Variants in FGF17 observed in about 807,000 individuals in gnomAD.
FGF17 encodes the protein fibroblast growth factor 17.
Under a neutral mutation model 23.5 loss-of-function variants are expected in FGF17, and 5 were observed. The observed-to-expected ratio is 0.21, with a 90% CI of 0.11 to 0.45. The LOEUF is 0.45. Among genes scored for constraint, FGF17 ranks in the 20% least tolerant of loss-of-function variants. The pLI, the probability that FGF17 is intolerant of heterozygous loss-of-function variation, is 0.99. For missense variants in FGF17, 221 were observed against 306.9 expected (o/e 0.72, Z 2.09); for synonymous variants, 136 against 123.0 (o/e 1.11, Z -0.70).
intron 2 of FGF17, chr8:22,044,934 G>C (rs1469407429): frequency 9.1e-6 from 9 of 985,578 alleles, no homozygotes; most frequent in Non-Finnish European, 1.1e-5. Flanking sequence ...GATAAAGGTG[G>C]AATTAGGGAT....
At chr8:22,045,581 T>G in intron 2 of FGF17, 3 of 1,002,720 alleles carry the variant, frequency 3.0e-6, no homozygotes, top group Non-Finnish European at 2.4e-6. Context: ...CCCCACATGC[T>G]CTCTGGTGAC....
At chr8:22,046,687 C>T (rs754337894) in intron 4 of FGF17, 54 bp downstream of exon 4, 112 of 1,226,404 alleles carry the variant, frequency 9.1e-5, no homozygotes, top group Non-Finnish European at 1.3e-4. Flanking sequence ...GGGGTGGGGA[C>T]ATATAGGGCA....
intron 2 of FGF17, among the ~76,000 whole-genome samples, chr8:22,044,018 A>G (rs932150212): frequency 3.3e-5 from 5 of 151,026 alleles, no homozygotes; most frequent in Middle Eastern, 3.4e-3. Flanking sequence ...TGGGAGAGGG[A>G]GAGACAATTC....
In FGF17 at chr8:22,043,157, G is replaced by T; in HGVS notation, c.48G>T (p.Leu16=). Residue 16 remains leucine (L), a synonymous_variant, in exon 2 of 5, where the codon CTG becomes CTT. Transcript: ENST00000359441. The stretch of plus-strand genomic sequence containing the variant: ...TCTCCCCACACAGGTGCTTACAGCT[G>T]CTGATTCTCTGCTGTCAAACTCAGG... ...LLPNLTLCLQ[L]LILCCQTQGE... is the part of the protein sequence containing the mutation. The T allele has an allele frequency of 6.2e-7, 1 of 1,613,878 alleles. No homozygotes were observed. The highest frequency in any genetic ancestry group is 8.5e-7 in the Non-Finnish European group (1 of 1,180,018).
In FGF17 at chr8:22,045,073, G is replaced by A. The variant is rs138711880; in HGVS notation, c.73-1041G>A. ...TGCCAGGAGCCAGGAAACCTAGCCC[G>A]GGTCGCACCTTGCAGGATGGAGGGG... On this transcript the variant is annotated intron_variant, in intron 2 of 4. Transcript: ENST00000359441. The A allele has an allele frequency of 4.1e-4, 405 of 985,512 alleles. 2 individuals carry two copies. The East Asian group carries it at 8.9e-3, about 22-fold the overall frequency. 61.0% of individuals were successfully genotyped at this position (985,512 alleles called of 1,614,324 possible).
intron 2 of FGF17, chr8:22,044,950 G>A (rs1255680048): frequency 7.1e-6 from 7 of 985,728 alleles, no homozygotes; most frequent in Non-Finnish European, 8.4e-6. Context: ...GGGATTTGGG[G>A]CAGGGGCTGA....
chr8:22,048,304 T>C lies in FGF17; in HGVS notation c.*55T>C. 2 of 1,421,680 alleles carry C rather than the reference T, an allele frequency of 1.4e-6. No homozygotes were observed. The highest frequency in any genetic ancestry group is 1.9e-6 in the Non-Finnish European group (2 of 1,048,866). The allele number at this position is 1,421,680 out of a possible 1,614,324, so 88.1% of individuals were successfully genotyped here. A position where few individuals can be genotyped will look rare whatever the true frequency, so the allele number is the denominator to read the frequency against. On this transcript the variant is annotated 3_prime_UTR_variant, in exon 5 of 5. Transcript: ENST00000359441. The surrounding 1 kb of genome is among the most constrained non-coding windows in gnomAD (Gnocchi z 6.9). ...GCCGCCTCCCCACCCCTTTCCCTTC[T>C]TAATCCAAGGACTGGGCTGGGGTGG...
Position 22,048,198 on chromosome 8 carries a change from C to T in FGF17, c.600C>T (p.Ser200=). 3.1e-6 allele frequency: 5 copies of T among 1,611,386 alleles called. No individual in the cohort carries two copies. Among genetic ancestry groups the T allele is most frequent in the Non-Finnish European group, 4.2e-6 (5 of 1,179,320 alleles). The part of the protein sequence containing the change: ...EKQKQFEFVG[S]APTRRTKRTR... The stretch of plus-strand genomic sequence containing the variant: ...AGAAGCAGTTCGAGTTTGTGGGCTC[C>T]GCCCCCACCCGCCGGACCAAGCGCA... The change falls in exon 5 of 5, where the codon TCC becomes TCT. Residue 200 remains serine (S), a synonymous_variant. Transcript: ENST00000359441. The surrounding 1 kb of genome is among the most constrained non-coding windows in gnomAD (Gnocchi z 6.9).
At chr8:22,045,914 G>T (rs987387450) in intron 2 of FGF17, 200 bp from the exon 3 acceptor site, 2 of 1,482,522 alleles carry the variant, frequency 1.3e-6, no homozygotes, top group African/African-American at 2.8e-5. Flanking sequence ...AGTCCCTTCT[G>T]TAAGGTAGAC....
rs746663363 is a variant in FGF17, at chr8:22,046,479, G to C, written c.251-48G>C. ...GGGTGGTCCCCTGCTGTAGCCATAG[G>C]CCGGCAGCCCCGATGGACGGAGGTC... On this transcript the variant is annotated intron_variant, in intron 3 of 4. Coordinates refer to ENST00000359441, the MANE Select transcript of FGF17 (RefSeq NM_003867.4). 3 of 1,528,048 alleles carry C rather than the reference G, an allele frequency of 2.0e-6. No individual in the cohort carries two copies. The African/African-American group carries it at 4.1e-5, about 21-fold the overall frequency. The allele number at this position is 1,528,048 out of a possible 1,614,324, so 94.7% of individuals were successfully genotyped here. A position where few individuals can be genotyped will look rare whatever the true frequency, so the allele number is the denominator to read the frequency against.
intron 2 of FGF17, chr8:22,045,485 C>T (rs1202296625): frequency 1.7e-5 from 17 of 989,716 alleles, no homozygotes; most frequent in African/African-American, 1.4e-4. Context: ...GGGGCAAGGC[C>T]GGGAAGAAGA....
upstream of FGF17, among the ~76,000 whole-genome samples, chr8:22,040,032 C>A (rs1326107772): frequency 6.6e-6 from 1 of 152,026 alleles, no homozygotes; most frequent in Non-Finnish European, 1.5e-5. Flanking sequence ...ACCTCCTGAA[C>A]CCCACCCCCC....
chr8:22,045,874 A>C (rs972830476), intron 2 of FGF17: 1 of 1,420,374 alleles, frequency 7.0e-7, no homozygotes, highest in African/African-American at 1.4e-5. Context: ...GTGCTCTGTC[A>C]ATAAGTGTCC....
chr8:22,042,995 G>C (rs3176267), intron 1 of FGF17, 32 bp downstream of exon 1: 1 of 1,611,130 alleles, frequency 6.2e-7, no homozygotes, highest in Non-Finnish European at 8.5e-7. Flanking sequence ...CTGGAGTTTC[G>C]TTGCCATTTC....
Position 22,048,271 on chromosome 8 carries a change from GC to G in FGF17, c.*26del, listed in dbSNP as rs776141685. On this transcript the variant is annotated 3_prime_UTR_variant, in exon 5 of 5. Transcript: ENST00000359441. The surrounding 1 kb of genome is among the most constrained non-coding windows in gnomAD (Gnocchi z 6.9). ...GTAGTCTGGGAGGCAGGGGGCAGCA[GC>G]CCCTGGGCCGCCTCCCCACCCCTTT... The G allele has an allele frequency of 1.3e-6, 2 of 1,558,018 alleles. No homozygotes were observed. The highest frequency in any genetic ancestry group is 2.3e-5 in the South Asian group (2 of 86,442).
At chr8:22,046,793 ATT>A (rs1411544491) in intron 4 of FGF17, among the ~76,000 whole-genome samples, 160 bp downstream of exon 4, 1 of 151,884 alleles carries the variant, frequency 6.6e-6, no homozygotes. Flanking sequence ...TCTGGTTTTT[ATT>A]TTAGAGTCCG....
intron 2 of FGF17, chr8:22,044,706 T>C: frequency 1.0e-6 from 1 of 985,574 alleles, no homozygotes; most frequent in Non-Finnish European, 1.2e-6. Context: ...TTGCAGAGGC[T>C]AGGCAGAGGC....
At chr8:22,046,680 G>A (rs757790277) in intron 4 of FGF17, 47 bp downstream of exon 4, 3 of 1,357,644 alleles carry the variant, frequency 2.2e-6, no homozygotes, top group Admixed American at 1.7e-5. Flanking sequence ...CCCTACTGGG[G>A]TGGGGACATA....
At chr8:22,041,350 A>G (rs1800734369), upstream of FGF17, among the ~76,000 whole-genome samples, 1 of 152,104 alleles carries the variant, frequency 6.6e-6, no homozygotes, top group South Asian at 2.1e-4. Context: ...GTGAGAAGGG[A>G]CCCACAGGTG....
Sources: gnomAD v4.1 joint callset for allele counts (sites outside exome capture counted in the v4.1 genomes callset) on GRCh38, gnomAD v4.1.1 for gene constraint, Gnocchi (gnomAD v3.1) non-coding constraint, MANE v1.5 for transcripts, NCBI Gene and HGNC (gene_info 2026-07-23, HGNC 2026-07-21) for gene names.